PPP2R3A: variants seen among roughly 807,000 people sequenced by gnomAD.
PPP2R3A encodes serine/threonine-protein phosphatase 2A regulatory subunit B'' subunit alpha.
Under a neutral mutation model 106.9 loss-of-function variants are expected in PPP2R3A, and 80 were observed. That is an observed-to-expected ratio of 0.75 (90% CI 0.62 to 0.90). PPP2R3A has a LOEUF of 0.90. PPP2R3A is among the 40% of genes least tolerant of loss of function. The probability of loss-of-function intolerance (pLI) is 0.00; values close to 1 mark genes in which losing one functional copy is unlikely to be tolerated. For missense variants in PPP2R3A, 1,386 were observed against 1,350.4 expected (o/e 1.03, Z -0.41); for synonymous variants, 483 against 468.3 (o/e 1.03, Z -0.41).
chr3:136,034,525 A>G (rs574229401), intron 3 of PPP2R3A, among the ~76,000 whole-genome samples: 1 of 152,066 alleles, frequency 6.6e-6, no homozygotes, highest in Non-Finnish European at 1.5e-5. Context: ...ATGTATTTGC[A>G]TGGTTTTGAG....
intron 1 of PPP2R3A, among the ~76,000 whole-genome samples, chr3:135,992,914 A>C (rs1051506620): frequency 1.3e-5 from 2 of 152,174 alleles, no homozygotes; most frequent in Admixed American, 6.6e-5. Context: ...GGAGACAGTG[A>C]ATTTTCAAAG....
chr3:136,064,231 C>A (rs1369364697), intron 5 of PPP2R3A, among the ~76,000 whole-genome samples: 1 of 130,394 alleles, frequency 7.7e-6, no homozygotes, highest in African/African-American at 3.0e-5. Context: ...AACACATGGA[C>A]ACAGGAAGGG....
chr3:136,116,678 A>T (rs1937775655), intron 13 of PPP2R3A, among the ~76,000 whole-genome samples: 1 of 152,258 alleles, frequency 6.6e-6, no homozygotes, highest in African/African-American at 2.4e-5. Context: ...GATCAGTGCA[A>T]CAAGAAGAGC....
Position 136,127,936 on chromosome 3 carries a change from G to T in PPP2R3A, c.3330-17107G>T, listed in dbSNP as rs1200322717. Among the ~76,000 whole-genome samples the T allele has an allele frequency of 3.3e-5, 5 of 152,188 alleles. No homozygotes were observed. In the East Asian group the frequency reaches 5.8e-4, roughly 18 times the overall value. On this transcript the variant is annotated intron_variant, in intron 13 of 13. Transcript: ENST00000264977. The stretch of plus-strand genomic sequence containing the variant: ...CTAAGCTTCATAAGTGAAGGAGAAA[G>T]AAAATCCTTTACAGCCAAGCAAATG...
chr3:136,078,537 CT>C, intron 7 of PPP2R3A, 84 bp downstream of exon 7: 1 of 821,672 alleles, frequency 1.2e-6, no homozygotes, highest in South Asian at 1.6e-5. Flanking sequence ...AGCGCTTACT[CT>C]ATTCAAAGCA....
chr3:136,126,048 T>C (rs1328284729), intron 13 of PPP2R3A, among the ~76,000 whole-genome samples: 1 of 152,158 alleles, frequency 6.6e-6, no homozygotes, highest in African/African-American at 2.4e-5. Flanking sequence ...TAGGAACAGC[T>C]CTGGTCTGCA....
chr3:136,083,371 G>A (rs1936839090), intron 8 of PPP2R3A, among the ~76,000 whole-genome samples: 1 of 152,124 alleles, frequency 6.6e-6, no homozygotes, highest in Non-Finnish European at 1.5e-5. Context: ...AGAGCTGATG[G>A]TTTTATAAAG....
chr3:136,077,641 C>T (rs960123019), intron 6 of PPP2R3A, among the ~76,000 whole-genome samples: 6 of 152,124 alleles, frequency 3.9e-5, no homozygotes, highest in African/African-American at 1.4e-4. Context: ...TGCACTGTGA[C>T]CTCCTACCTC....
intron 13 of PPP2R3A, among the ~76,000 whole-genome samples, chr3:136,119,148 T>A (rs901764560): frequency 6.6e-5 from 10 of 152,196 alleles, no homozygotes; most frequent in Non-Finnish European, 4.4e-5. Context: ...TAAATGGTGT[T>A]GGGAAAACTG....
At chr3:136,101,841 TAAAGG>T (rs1266406635) in intron 10 of PPP2R3A, among the ~76,000 whole-genome samples, 161 bp from the exon 11 acceptor site, 1 of 151,940 alleles carries the variant, frequency 6.6e-6, no homozygotes, top group Non-Finnish European at 1.5e-5. Flanking sequence ...GGTGGAAAAA[TAAAGG>T]GAAGAAGGGG....
chr3:136,083,623 G>T (rs1367043977), intron 8 of PPP2R3A, among the ~76,000 whole-genome samples: 2 of 152,202 alleles, frequency 1.3e-5, no homozygotes, highest in Non-Finnish European at 2.9e-5. Flanking sequence ...CCGAAAATGT[G>T]GAAGGGACTT....
In PPP2R3A at chr3:136,146,385, T is replaced by C. The variant is rs1325279962; in HGVS notation, c.*1219T>C. On this transcript the variant is annotated 3_prime_UTR_variant, in exon 14 of 14. Coordinates refer to ENST00000264977, the MANE Select transcript of PPP2R3A (RefSeq NM_002718.5). ...GTCATCAACTTTTCCCCTAGATTTT[T>C]TTTTTAACTAGTTCTGAAAGTGTCA... The C allele has an allele frequency of 6.6e-6, 1 of 152,220 alleles. No homozygotes were observed. The highest frequency in any genetic ancestry group is 1.5e-5 in the Non-Finnish European group (1 of 68,038). 9.4% of individuals were successfully genotyped at this position (152,220 alleles called of 1,614,324 possible).
intron 4 of PPP2R3A, among the ~76,000 whole-genome samples, chr3:136,041,373 T>G (rs112777359): frequency 1.4e-5 from 2 of 147,612 alleles, no homozygotes; most frequent in African/African-American, 2.5e-5. Context: ...TAATCCTACC[T>G]CAGCCTCCTA....
At chr3:136,096,653 G>A (rs1937222391) in intron 10 of PPP2R3A, among the ~76,000 whole-genome samples, 1 of 152,198 alleles carries the variant, frequency 6.6e-6, no homozygotes, top group Admixed American at 6.5e-5. Flanking sequence ...AATAAAATAT[G>A]TATATTGAAT....
chr3:136,074,099 CAATT>C lies in PPP2R3A; in HGVS notation c.2544+3551_2544+3554del, dbSNP rs559430348. 9.7e-4 allele frequency among the ~76,000 whole-genome samples: 148 copies of C among 152,218 alleles called. 1 individual carries two copies. The highest frequency in any genetic ancestry group is 3.5e-3 in the African/African-American group (144 of 41,526). ...CTTCGTGGCATACAGTATAGAAGAA[CAATT>C]AATATGTTTGCATGCTAGTGTTACT... On this transcript the variant is annotated intron_variant, in intron 6 of 13. Transcript: ENST00000264977.
intron 10 of PPP2R3A, among the ~76,000 whole-genome samples, chr3:136,100,243 C>T (rs1937324982): frequency 6.6e-6 from 1 of 152,096 alleles, no homozygotes; most frequent in African/African-American, 2.4e-5. Context: ...GGCGCAGGAG[C>T]TCACAACTAA....
At position 136,055,606 on chromosome 3, in the gene PPP2R3A, A is replaced by G. The variant is rs903206967; in HGVS notation, c.2469+6245A>G. The G allele has an allele frequency of 1.0e-5, 14 of 1,395,906 alleles. No individual in the cohort carries two copies. The African/African-American group carries it at 1.6e-4, about 16-fold the overall frequency. 86.5% of individuals were successfully genotyped at this position (1,395,906 alleles called of 1,614,324 possible). A position where few individuals can be genotyped will look rare whatever the true frequency, so the allele number is the denominator to read the frequency against. ...TGCAGTACTGTATCCACACGAGCCAACTGCTGTATTTAACACCTGCCTGCC... is the reference window on the plus strand; with the variant it reads ...TGCAGTACTGTATCCACACGAGCCAGCTGCTGTATTTAACACCTGCCTGCC... On this transcript the variant is annotated intron_variant, in intron 5 of 13. Transcript: ENST00000264977.
intron 2 of PPP2R3A, among the ~76,000 whole-genome samples, chr3:136,015,409 G>A (rs1389372084): frequency 6.6e-6 from 1 of 151,990 alleles, no homozygotes; most frequent in East Asian, 1.9e-4. Flanking sequence ...TTCTTTGAAT[G>A]TCTGATAGAA....
At position 136,145,311 on chromosome 3, in the gene PPP2R3A, A is replaced by C. The variant is rs937913416; in HGVS notation, c.*145A>C. 1.3e-5 allele frequency: 13 copies of C among 1,018,988 alleles called. No individual in the cohort carries two copies. The South Asian group carries it at 2.3e-4, about 18-fold the overall frequency. 63.1% of individuals were successfully genotyped at this position (1,018,988 alleles called of 1,614,324 possible). ...GCACTAGGAACTTTGTTTTTAAGCAATAGGTCTGGATACACATTTAACTTA... is the reference window on the plus strand; with the variant it reads ...GCACTAGGAACTTTGTTTTTAAGCACTAGGTCTGGATACACATTTAACTTA... On this transcript the variant is annotated 3_prime_UTR_variant, in exon 14 of 14. Coordinates refer to ENST00000264977, the MANE Select transcript of PPP2R3A (RefSeq NM_002718.5).
Sources: allele counts gnomAD v4.1 joint callset (sites outside exome capture counted in the v4.1 genomes callset), GRCh38; gene constraint gnomAD v4.1.1; transcripts MANE v1.5; gene names NCBI Gene and HGNC (gene_info 2026-07-23, HGNC 2026-07-21).